Variants in HACD3 observed in about 807,000 individuals in gnomAD.
HACD3 encodes very-long-chain (3R)-3-hydroxyacyl-CoA dehydratase 3.
In HACD3, 30 loss-of-function variants were observed where a neutral mutation model predicts 55.2. The observed-to-expected ratio is 0.54, with a 90% CI of 0.41 to 0.74. HACD3 has a LOEUF of 0.74. Ranked by LOEUF, HACD3 falls within the 30% of genes least tolerant of loss-of-function variation. The probability of loss-of-function intolerance (pLI) is 0.00; values close to 1 mark genes in which losing one functional copy is unlikely to be tolerated. For missense variants in HACD3, 363 were observed against 440.1 expected, an observed-to-expected ratio of 0.82 and a Z score of 1.57; for synonymous variants, 141 against 151.7, an observed-to-expected ratio of 0.93 and a Z score of 0.52.
intron 1 of HACD3, among the ~76,000 whole-genome samples, chr15:65,532,729 A>G (rs754199193): frequency 1.3e-5 from 2 of 151,940 alleles, no homozygotes; most frequent in African/African-American, 4.8e-5. Flanking sequence ...GGGGTTTCAC[A>G]TCTGTAGTTT....
At chr15:65,537,955 AAAAATATATATATATATATATAT>A (rs1275135267) in intron 1 of HACD3, among the ~76,000 whole-genome samples, 21 of 3,712 alleles carry the variant, frequency 5.7e-3, no homozygotes, top group Middle Eastern at 0.062. Context: ...AAAAAAAAAA[AAAAATATATATATATATATATAT>A]ATATATATAT....
Position 65,576,546 on chromosome 15 carries a change from G to A in HACD3, c.*167G>A, listed in dbSNP as rs898218978. 1.4e-6 allele frequency: 1 copy of A among 719,084 alleles called. No individual in the cohort carries two copies. Among genetic ancestry groups the A allele is most frequent in the South Asian group, 2.0e-5 (1 of 50,856 alleles). 44.5% of individuals were successfully genotyped at this position (719,084 alleles called of 1,614,324 possible). On this transcript the variant is annotated 3_prime_UTR_variant, in exon 11 of 11. Transcript: ENST00000261875. ...TTCCTGAATTTACTGTTATCTTATTGTAGTACTTGCATGACATGGATTCCT... is the reference window on the plus strand; with the variant it reads ...TTCCTGAATTTACTGTTATCTTATTATAGTACTTGCATGACATGGATTCCT...
chr15:65,541,379 T>G (rs1188396568), intron 1 of HACD3, among the ~76,000 whole-genome samples: 1 of 152,234 alleles, frequency 6.6e-6, no homozygotes, highest in Non-Finnish European at 1.5e-5. Context: ...ATTTAAACTG[T>G]TAATGCTGTT....
chr15:65,553,194 T>C (rs2072153070), intron 2 of HACD3: 1 of 152,266 alleles, frequency 6.6e-6, no homozygotes, highest in African/African-American at 2.4e-5. Flanking sequence ...GCACATATTT[T>C]TCTTTTTAAA....
In HACD3 at chr15:65,576,998, T is replaced by C. The variant is rs2072408751; in HGVS notation, c.*619T>C. The C allele has an allele frequency of 6.6e-6, 1 of 152,242 alleles. No individual in the cohort carries two copies. The highest frequency in any genetic ancestry group is 2.4e-5 in the African/African-American group (1 of 41,442). The allele number at this position is 152,242 out of a possible 1,614,324, so 9.4% of individuals were successfully genotyped here. Reference sequence around the variant, plus strand: ...TTATAGTGCTCAGCAGTGTGGGCATTGAAGAGGCGCAGAATGCTTTGAAAG... The same window carrying C: ...TTATAGTGCTCAGCAGTGTGGGCATCGAAGAGGCGCAGAATGCTTTGAAAG... On this transcript the variant is annotated 3_prime_UTR_variant, in exon 11 of 11. Coordinates refer to ENST00000261875, the MANE Select transcript of HACD3 (RefSeq NM_016395.4).
chr15:65,552,666 TA>T (rs1190949122), intron 2 of HACD3, among the ~76,000 whole-genome samples: 1 of 151,614 alleles, frequency 6.6e-6, no homozygotes, highest in Non-Finnish European at 1.5e-5. Flanking sequence ...TTGTTTTTTT[TA>T]AATATTTTTC....
intron 7 of HACD3, 147 bp downstream of exon 7, chr15:65,564,489 C>T (rs891357383): frequency 2.9e-6 from 3 of 1,024,562 alleles, no homozygotes; most frequent in South Asian, 3.7e-5. Context: ...ATTGGACTTA[C>T]AGTTCCATGT....
intron 1 of HACD3, among the ~76,000 whole-genome samples, chr15:65,543,252 C>T (rs1178070428): frequency 6.6e-6 from 1 of 152,018 alleles, no homozygotes; most frequent in Non-Finnish European, 1.5e-5. Flanking sequence ...AATCAACCTT[C>T]CCCCCTTTTA....
In HACD3 at chr15:65,577,377, T is replaced by G. The variant is rs1023753594; in HGVS notation, c.*998T>G. ...AGGTCAAGGCTGCAGTGAGCCGAGA[T>G]TGTGCCACTGCACTGCAGCTGGGGT... On this transcript the variant is annotated 3_prime_UTR_variant, in exon 11 of 11. Transcript: ENST00000261875. 1 of 152,330 alleles carries G rather than the reference T, an allele frequency of 6.6e-6. No individual in the cohort carries two copies. Among genetic ancestry groups the G allele is most frequent in the African/African-American group, 2.4e-5 (1 of 41,386 alleles). 9.4% of individuals were successfully genotyped at this position (152,330 alleles called of 1,614,324 possible). A position where few individuals can be genotyped will look rare whatever the true frequency, so the allele number is the denominator to read the frequency against.
intron 10 of HACD3, 128 bp downstream of exon 10, chr15:65,572,494 A>G (rs1020493816): frequency 9.9e-6 from 11 of 1,111,994 alleles, no homozygotes; most frequent in Non-Finnish European, 1.4e-5. Context: ...ATTACTTTGC[A>G]AAAACAGACC....
intron 10 of HACD3, among the ~76,000 whole-genome samples, chr15:65,575,692 G>T (rs544394365): frequency 2.6e-5 from 4 of 152,138 alleles, no homozygotes; most frequent in Non-Finnish European, 4.4e-5. Context: ...GATGAATAGG[G>T]ATGTGATATA....
intron 3 of HACD3, 89 bp from the exon 4 acceptor site, chr15:65,556,650 T>A (rs2072193336): frequency 3.8e-6 from 5 of 1,300,480 alleles, no homozygotes; most frequent in Non-Finnish European, 5.2e-6. Flanking sequence ...AATAAATATA[T>A]CCTGCAGCTT....
intron 1 of HACD3, among the ~76,000 whole-genome samples, chr15:65,547,185 C>T (rs912861474): frequency 8.6e-5 from 13 of 151,900 alleles, no homozygotes; most frequent in East Asian, 5.8e-4. Context: ...GGCCTGATCT[C>T]GGCTCACTGC....
At chr15:65,572,602 CA>C (rs2072358871) in intron 10 of HACD3, among the ~76,000 whole-genome samples, 1 of 151,988 alleles carries the variant, frequency 6.6e-6, no homozygotes, top group African/African-American at 2.4e-5. Flanking sequence ...GGGAATATAC[CA>C]TAAGATATTT....
At chr15:65,567,487 TGTTA>T (rs1318132730) in intron 7 of HACD3, among the ~76,000 whole-genome samples, 11 of 152,194 alleles carry the variant, frequency 7.2e-5, no homozygotes, top group Admixed American at 6.5e-4. Context: ...ATTATAATAT[TGTTA>T]GTTCTCATAT....
At chr15:65,563,180 C>T (rs560400953) in intron 6 of HACD3, among the ~76,000 whole-genome samples, 1 of 152,074 alleles carries the variant, frequency 6.6e-6, no homozygotes, top group African/African-American at 2.4e-5. Context: ...TAAAAATGTT[C>T]ACTAACAACT....
intron 1 of HACD3, among the ~76,000 whole-genome samples, chr15:65,542,501 C>A (rs544181763): frequency 6.6e-6 from 1 of 151,990 alleles, no homozygotes; most frequent in Admixed American, 6.5e-5. Context: ...TGAGCTCAAG[C>A]GATCTACCCA....
At chr15:65,539,084 G>T (rs1436140205) in intron 1 of HACD3, among the ~76,000 whole-genome samples, 2 of 151,882 alleles carry the variant, frequency 1.3e-5, no homozygotes, top group Non-Finnish European at 2.9e-5. Flanking sequence ...GTCTGGAACA[G>T]AACCTACAAT....
rs1419236115 is a variant in HACD3 at position 65,578,200 on chromosome 15, T to G, written c.*1821T>G. 6.6e-6 allele frequency: 1 copy of G among 152,216 alleles called. No homozygotes were observed. Among genetic ancestry groups the G allele is most frequent in the Non-Finnish European group, 1.5e-5 (1 of 68,038 alleles). The allele number at this position is 152,216 out of a possible 1,614,324, so 9.4% of individuals were successfully genotyped here. A position where few individuals can be genotyped will look rare whatever the true frequency, so the allele number is the denominator to read the frequency against. On this transcript the variant is annotated 3_prime_UTR_variant, in exon 11 of 11. Transcript: ENST00000261875. Reference sequence around the variant, plus strand: ...GATTTCTGATATTCTTGCAGCTGACTACGTGTAATTGGGCAGATCAGCTTT... The same window carrying G: ...GATTTCTGATATTCTTGCAGCTGACGACGTGTAATTGGGCAGATCAGCTTT...
Sources: allele counts gnomAD v4.1 joint callset (sites outside exome capture counted in the v4.1 genomes callset), GRCh38; gene constraint gnomAD v4.1.1; transcripts MANE v1.5; gene names NCBI Gene and HGNC (gene_info 2026-07-23, HGNC 2026-07-21).